Variants in EML5 observed in about 807,000 individuals in gnomAD.
EML5 encodes echinoderm microtubule-associated protein-like 5.
Under a neutral mutation model 250.0 loss-of-function variants are expected in EML5, and 120 were observed. The observed-to-expected ratio is 0.48, with a 90% CI of 0.41 to 0.56. EML5 has a LOEUF of 0.56. Ranked by LOEUF, EML5 falls within the 20% of genes least tolerant of loss-of-function variation. The probability of loss-of-function intolerance (pLI) is 0.00; values close to 1 mark genes in which losing one functional copy is unlikely to be tolerated. For synonymous variants in EML5, 771 were observed against 806.5 expected (o/e 0.96, Z 0.75); for missense variants, 2,006 against 2,437.6 (o/e 0.82, Z 3.73).
intron 33 of EML5, among the ~76,000 whole-genome samples, chr14:88,633,972 T>C (rs1165187106): frequency 6.6e-6 from 1 of 152,144 alleles, no homozygotes; most frequent in Non-Finnish European, 1.5e-5. Flanking sequence ...AATAATGTAT[T>C]CTTCATTAAA....
At chr14:88,776,646 C>A (rs1595864444) in intron 1 of EML5, among the ~76,000 whole-genome samples, 1 of 151,316 alleles carries the variant, frequency 6.6e-6, no homozygotes. Context: ...TTTGGGAGGT[C>A]GAAGCAGGTG....
chr14:88,757,753 T>C (rs771778230), intron 1 of EML5, among the ~76,000 whole-genome samples: 3 of 151,944 alleles, frequency 2.0e-5, no homozygotes, highest in Admixed American at 6.6e-5. Context: ...AAATCAAAAA[T>C]CACAATAATA....
chr14:88,624,877 T>A lies in EML5; in HGVS notation c.4898+93A>T, dbSNP rs577509363. ...TGAGGAGGAAGGTCGGAGAGGACACTCTGTGTAGCCTAGAAACAACTAGAA... is the reference window on the plus strand; with the variant it reads ...TGAGGAGGAAGGTCGGAGAGGACACACTGTGTAGCCTAGAAACAACTAGAA... On this transcript the variant is annotated intron_variant, in intron 36 of 43. Coordinates refer to ENST00000554922, the MANE Select transcript of EML5 (RefSeq NM_183387.3). 62 of 1,421,398 alleles carry A rather than the reference T, an allele frequency of 4.4e-5. 1 individual carries two copies. The East Asian group carries it at 1.4e-3, about 32-fold the overall frequency. 88.0% of individuals were successfully genotyped at this position (1,421,398 alleles called of 1,614,324 possible).
chr14:88,727,971 T>A (rs1029542421), intron 7 of EML5, among the ~76,000 whole-genome samples: 1 of 152,234 alleles, frequency 6.6e-6, no homozygotes, highest in African/African-American at 2.4e-5. Context: ...AAGACAAAGA[T>A]GAACTCTTAA....
intron 27 of EML5, among the ~76,000 whole-genome samples, chr14:88,653,629 C>T (rs1380571209): frequency 6.6e-6 from 1 of 152,170 alleles, no homozygotes; most frequent in Non-Finnish European, 1.5e-5. Flanking sequence ...ATGAGCTTTG[C>T]ATCCCAGGGA....
intron 17 of EML5, among the ~76,000 whole-genome samples, chr14:88,689,820 A>T (rs968730643): frequency 2.6e-4 from 40 of 152,214 alleles, no homozygotes; most frequent in South Asian, 2.1e-4. Flanking sequence ...ACTTATGAAC[A>T]GAACAGGCAA....
At chr14:88,770,416 T>A (rs989207746) in intron 1 of EML5, among the ~76,000 whole-genome samples, 22 of 152,220 alleles carry the variant, frequency 1.4e-4, no homozygotes, top group Admixed American at 3.3e-4. Context: ...TGGGGTTCAT[T>A]TTTTCCTCAT....
chr14:88,765,204 T>C (rs2094304877), intron 1 of EML5, among the ~76,000 whole-genome samples: 2 of 152,232 alleles, frequency 1.3e-5, no homozygotes, highest in African/African-American at 4.8e-5. Context: ...CTGGTTAGTG[T>C]GGCTCAGCTG....
At chr14:88,698,634 A>C (rs535773507) in intron 14 of EML5, among the ~76,000 whole-genome samples, 1 of 152,154 alleles carries the variant, frequency 6.6e-6, no homozygotes, top group Non-Finnish European at 1.5e-5. Flanking sequence ...ACCTCTCCCA[A>C]GGTGGTCTTT....
chr14:88,642,328 T>C (rs1274981155), intron 31 of EML5, among the ~76,000 whole-genome samples: 1 of 152,222 alleles, frequency 6.6e-6, no homozygotes, highest in African/African-American at 2.4e-5. Flanking sequence ...TTATTTGCTC[T>C]TGAATAATCC....
Position 88,688,414 on chromosome 14 carries a change from T to C in EML5, c.2599A>G (p.Met867Val). The change falls in exon 18 of 44, where the codon ATG becomes GTG. Residue 867 changes from methionine to valine, a missense_variant. Physicochemically the swap from Met to Val is conservative, Grantham distance 21 (BLOSUM62 1). This residue lies in a region of EML5 where 1,375 missense variants were observed against 1,590.3 expected (regional missense o/e 0.86). Transcript: ENST00000554922. ...IGTLGKNDTM[M>V]CAVYGWTEEM... ...TCAGTCCATCCATACACTGCACACA[T>C]CATTGTGTCATTTTTCCCCAGTGTG... 6.2e-7 allele frequency: 1 copy of C among 1,614,024 alleles called. No individual in the cohort carries two copies. Among genetic ancestry groups the C allele is most frequent in the Non-Finnish European group, 8.5e-7 (1 of 1,179,892 alleles).
At chr14:88,772,848 A>T (rs7160305) in intron 1 of EML5, among the ~76,000 whole-genome samples, 1 of 151,954 alleles carries the variant, frequency 6.6e-6, no homozygotes. Context: ...TGGCCTTTCT[A>T]TCCCTTAAAA....
At chr14:88,666,879 C>T (rs1194352589) in intron 21 of EML5, among the ~76,000 whole-genome samples, 1 of 152,036 alleles carries the variant, frequency 6.6e-6, no homozygotes, top group Non-Finnish European at 1.5e-5. Flanking sequence ...AATTATCAAG[C>T]ATACATTGGA....
At chr14:88,658,816 A>G (rs569819097) in intron 25 of EML5, among the ~76,000 whole-genome samples, 28 of 152,312 alleles carry the variant, frequency 1.8e-4, no homozygotes, top group African/African-American at 6.3e-4. Context: ...ATTACAATGT[A>G]TATGGAATAG....
intron 7 of EML5, among the ~76,000 whole-genome samples, chr14:88,727,413 T>TTG (rs1223557379): frequency 6.6e-5 from 10 of 151,664 alleles, no homozygotes; most frequent in Admixed American, 6.6e-4. Context: ...TTTTTTTTTT[T>TTG]TTTTTGAGAC....
chr14:88,722,825 A>G (rs141310269), intron 8 of EML5, among the ~76,000 whole-genome samples: 1,566 of 152,306 alleles, frequency 0.01, 25 homozygotes, highest in African/African-American at 0.036. Flanking sequence ...ATGGGTTGAT[A>G]GGTGCAGCAA....
At chr14:88,622,784 A>C (rs574411021) in intron 36 of EML5, 66 bp from the exon 37 acceptor site, 117 of 1,108,572 alleles carry the variant, frequency 1.1e-4, no homozygotes, top group Non-Finnish European at 1.4e-4. Flanking sequence ...TTATAAACAA[A>C]TACCAAGTTA....
At position 88,613,773 on chromosome 14, in the gene EML5, T is replaced by A; in HGVS notation, c.*2045A>T. On this transcript the variant is annotated 3_prime_UTR_variant, in exon 44 of 44. Coordinates refer to ENST00000554922, the MANE Select transcript of EML5 (RefSeq NM_183387.3). ...TGAATGGAACAAAAGGTGCCAGAAGTCCCAGGTTACACAATCAGGAGCTTA... is the reference window on the plus strand; with the variant it reads ...TGAATGGAACAAAAGGTGCCAGAAGACCCAGGTTACACAATCAGGAGCTTA... 6.6e-6 allele frequency: 1 copy of A among 152,074 alleles called. No homozygotes were observed. Among genetic ancestry groups the A allele is most frequent in the Non-Finnish European group, 1.5e-5 (1 of 67,998 alleles). The allele number at this position is 152,074 out of a possible 1,614,324, so 9.4% of individuals were successfully genotyped here.
chr14:88,776,773 C>T (rs1429609658), intron 1 of EML5, among the ~76,000 whole-genome samples: 1 of 151,686 alleles, frequency 6.6e-6, no homozygotes, highest in Non-Finnish European at 1.5e-5. Flanking sequence ...CCCAGCTACT[C>T]AGAAGGCTAA....
Sources: gnomAD v4.1 joint callset for allele counts (sites outside exome capture counted in the v4.1 genomes callset) on GRCh38, gnomAD v4.1.1 for gene constraint, gnomAD v4.1.1 regional missense constraint, MANE v1.5 for transcripts, NCBI Gene and HGNC (gene_info 2026-07-23, HGNC 2026-07-21) for gene names.